The following NCKAP5 variants were observed in gnomAD, a reference collection of about 807,000 sequenced individuals.
NCKAP5 encodes nck-associated protein 5.
NCKAP5 carries 92 observed loss-of-function variants against 167.0 expected under a neutral mutation model. The observed-to-expected ratio is 0.55, with a 90% CI of 0.47 to 0.66. NCKAP5 has a LOEUF of 0.66. Among genes scored for constraint, NCKAP5 ranks in the 30% least tolerant of loss-of-function variants. NCKAP5 has a pLI of 0.00. For missense variants in NCKAP5, 2,378 were observed against 2,315.0 expected (o/e 1.03, Z -0.56); for synonymous variants, 891 against 877.4 (o/e 1.02, Z -0.27).
At chr2:132,773,752 T>C (rs2104958813) in intron 16 of NCKAP5, 64 bp downstream of exon 16, 4 of 1,284,904 alleles carry the variant, frequency 3.1e-6, no homozygotes, top group Non-Finnish European at 4.4e-6. Context: ...ATGTACCATA[T>C]CTGGAAGAAG....
At chr2:133,562,887 G>A (rs1377737133) in intron 1 of NCKAP5, among the ~76,000 whole-genome samples, 1 of 152,172 alleles carries the variant, frequency 6.6e-6, no homozygotes, top group Non-Finnish European at 1.5e-5. Flanking sequence ...TGTGGGTAAT[G>A]TTCTATGTAT....
intron 2 of NCKAP5, among the ~76,000 whole-genome samples, chr2:133,549,894 A>G (rs1687125816): frequency 7.1e-6 from 1 of 140,184 alleles, no homozygotes; most frequent in African/African-American, 2.6e-5. Flanking sequence ...AATAGACACA[A>G]TAAAAAATGA....
chr2:133,304,764 G>A (rs1164098704), intron 3 of NCKAP5, among the ~76,000 whole-genome samples: 1 of 152,224 alleles, frequency 6.6e-6, no homozygotes, highest in Non-Finnish European at 1.5e-5. Context: ...AAGTGCTGCA[G>A]ATACAGTAAT....
chr2:133,610,700 ACT>A, the NCKAP5 span, among the ~76,000 whole-genome samples: 3 of 151,418 alleles, frequency 2.0e-5, no homozygotes, highest in Admixed American at 6.6e-5. Context: ...ACACACACAC[ACT>A]CTCTCTCTCT....
At chr2:132,828,356 G>T (rs149735436) in intron 11 of NCKAP5, among the ~76,000 whole-genome samples, 2,058 of 152,200 alleles carry the variant, frequency 0.014, 18 homozygotes, top group Non-Finnish European at 0.02. Context: ...TGGATCAAGG[G>T]GGTGGATTTT....
In NCKAP5 at chr2:132,994,193, C is replaced by G. The variant is rs1285926743; in HGVS notation, c.388G>C (p.Glu130Gln). The change falls in exon 7 of 20, where the codon GAG becomes CAG. Residue 130 changes from glutamate (E) to glutamine (Q), a missense_variant. Physicochemically the swap from Glu to Gln is conservative, Grantham distance 29. This residue lies in a region of NCKAP5 where 1,049 missense variants were observed against 1,023.4 expected (regional missense o/e 1.02). Transcript: ENST00000409261. Reference protein sequence around the residue: ...RNLLQSQGSPEQKKEETVNIM... With the variant: ...RNLLQSQGSPQQKKEETVNIM... ...TTAACAGTTTCTTCTTTTTTCTGCTCTGGAGATCCTTGACTCTGCAATAGA... is the reference window on the plus strand; with the variant it reads ...TTAACAGTTTCTTCTTTTTTCTGCTGTGGAGATCCTTGACTCTGCAATAGA... The G allele has an allele frequency of 2.1e-5, 34 of 1,591,740 alleles. No homozygotes were observed. Among genetic ancestry groups the G allele is most frequent in the Non-Finnish European group, 2.8e-5 (33 of 1,168,238 alleles).
intron 2 of NCKAP5, among the ~76,000 whole-genome samples, chr2:133,550,448 C>G (rs934321057): frequency 3.3e-5 from 5 of 151,658 alleles, no homozygotes; most frequent in African/African-American, 7.3e-5. Context: ...TCAATATATG[C>G]AAATCAATAA....
chr2:133,349,436 A>T (rs1173420485), intron 3 of NCKAP5, among the ~76,000 whole-genome samples: 1 of 152,186 alleles, frequency 6.6e-6, no homozygotes, highest in Non-Finnish European at 1.5e-5. Flanking sequence ...TTCCTGGATC[A>T]AGTGGCAAGT....
At chr2:133,265,999 C>T (rs966225896) in intron 4 of NCKAP5, among the ~76,000 whole-genome samples, 8 of 152,168 alleles carry the variant, frequency 5.3e-5, no homozygotes, top group Non-Finnish European at 1.2e-4. Flanking sequence ...AGCCCCTTTA[C>T]GCCCCCACCC....
chr2:133,201,914 T>A (rs965815995), intron 5 of NCKAP5, among the ~76,000 whole-genome samples: 1 of 152,166 alleles, frequency 6.6e-6, no homozygotes, highest in East Asian at 1.9e-4. Context: ...GAACATTCCA[T>A]GCTCATGGAT....
chr2:133,591,207 A>G, the NCKAP5 span, among the ~76,000 whole-genome samples: 1 of 152,192 alleles, frequency 6.6e-6, no homozygotes, highest in African/African-American at 2.4e-5. Flanking sequence ...AGCAATGATC[A>G]TTTATTTAGA....
chr2:133,672,042 A>G, the NCKAP5 span, among the ~76,000 whole-genome samples: 1 of 152,242 alleles, frequency 6.6e-6, no homozygotes, highest in African/African-American at 2.4e-5. Context: ...ATTGATTGCA[A>G]TAAATGCTAT....
At position 132,672,136 on chromosome 2, in the gene NCKAP5, G is replaced by T. The variant is rs1683829632; in HGVS notation, c.*1153C>A. On this transcript the variant is annotated 3_prime_UTR_variant, in exon 20 of 20. Transcript: ENST00000409261. ...TGTAGAAAAAAAAGGATATTAAAAAGAATTCTTCGTAGCACCATTAATTTT... is the reference window on the plus strand; with the variant it reads ...TGTAGAAAAAAAAGGATATTAAAAATAATTCTTCGTAGCACCATTAATTTT... The T allele has an allele frequency of 6.6e-6, 1 of 152,494 alleles. No homozygotes were observed. The highest frequency in any genetic ancestry group is 2.4e-5 in the African/African-American group (1 of 41,416). The allele number at this position is 152,494 out of a possible 1,614,324, so 9.4% of individuals were successfully genotyped here.
the NCKAP5 span, among the ~76,000 whole-genome samples, chr2:133,626,496 G>C: frequency 7.7e-4 from 93 of 121,328 alleles, no homozygotes; most frequent in African/African-American, 3.5e-3. Context: ...TTAGCTTAAG[G>C]AGAATTAAGC....
At chr2:132,717,508 A>G (rs1689477866) in intron 19 of NCKAP5, among the ~76,000 whole-genome samples, 1 of 152,210 alleles carries the variant, frequency 6.6e-6, no homozygotes, top group Non-Finnish European at 1.5e-5. Flanking sequence ...TTGCTCTATT[A>G]ATAGCCAAAG....
intron 6 of NCKAP5, among the ~76,000 whole-genome samples, chr2:133,004,962 T>G (rs984401216): frequency 2.0e-5 from 3 of 152,244 alleles, no homozygotes; most frequent in African/African-American, 4.8e-5. Context: ...AAGAGAAATA[T>G]GATTCTGTTC....
chr2:133,468,765 T>C (rs1692804772), intron 3 of NCKAP5, among the ~76,000 whole-genome samples: 1 of 152,260 alleles, frequency 6.6e-6, no homozygotes, highest in Admixed American at 6.5e-5. Context: ...CATTATGTAA[T>C]GGCCATCTTT....
intron 11 of NCKAP5, among the ~76,000 whole-genome samples, chr2:132,828,821 T>C (rs1033966073): frequency 3.3e-5 from 5 of 152,182 alleles, no homozygotes; most frequent in Non-Finnish European, 7.3e-5. Context: ...TGTTTCCTGC[T>C]GGCATTTTCC....
chr2:132,960,014 C>T (rs146276183), intron 8 of NCKAP5, among the ~76,000 whole-genome samples: 138 of 152,222 alleles, frequency 9.1e-4, no homozygotes, highest in African/African-American at 3.2e-3. Context: ...ACACAAATTA[C>T]AATTGAAGCC....
Sources: allele counts gnomAD v4.1 joint callset (sites outside exome capture counted in the v4.1 genomes callset), GRCh38; gene constraint gnomAD v4.1.1; regional missense constraint gnomAD v4.1.1; transcripts MANE v1.5; gene names NCBI Gene and HGNC (gene_info 2026-07-23, HGNC 2026-07-21).